Variants in TAOK2 observed in about 807,000 individuals in gnomAD.
TAOK2 encodes the protein TAO kinase 2, also known as serine/threonine-protein kinase TAO2.
A neutral mutation model predicts 122.5 loss-of-function variants in TAOK2; 42 were observed. That is an observed-to-expected ratio of 0.34 (90% CI 0.27 to 0.44). The LOEUF (loss-of-function observed/expected upper bound fraction) is 0.44, where lower values mean the gene tolerates loss of function less well. Among genes scored for constraint, TAOK2 ranks in the 20% least tolerant of loss-of-function variants. The pLI is 1.00. For synonymous variants in TAOK2, 704 were observed against 677.6 expected (o/e 1.04, Z -0.61); for missense variants, 1,264 against 1,644.9 (o/e 0.77, Z 4.01).
rs751062812 is a variant in TAOK2, at chr16:29,987,176, CCTGCTG to C, written c.2916_2921del (p.Leu973_Leu974del). On this transcript the variant is annotated inframe_deletion, in exon 16 of 16. Coordinates refer to ENST00000308893, the MANE Select transcript of TAOK2 (RefSeq NM_016151.4). ...GGTCCTCCTCTGGCCTCCTGCCCCT[CCTGCTG>C]CTGCTGCTGCTTCCATTGCTGGCAG... 1.2e-5 allele frequency: 18 copies of C among 1,559,976 alleles called. No homozygotes were observed. The highest frequency in any genetic ancestry group is 2.5e-5 in the South Asian group (2 of 81,228).
At chr16:29,990,744 G>T (rs763257334), downstream of TAOK2, 9 of 1,561,440 alleles carry the variant, frequency 5.8e-6, no homozygotes, top group African/African-American at 2.7e-5. Flanking sequence ...AGTGGGGGTG[G>T]GGGAGGAGAT....
At chr16:29,990,737 G>T, downstream of TAOK2, 2 of 1,550,828 alleles carry the variant, frequency 1.3e-6, no homozygotes, top group Non-Finnish European at 1.7e-6. Context: ...GGAGGATAGT[G>T]GGGGTGGGGG....
Position 29,981,862 on chromosome 16 carries a change from T to C in TAOK2, c.753T>C (p.Ser251=). ...ESPVLQSGHW[S]EYFRNFVDSC... is the part of the protein sequence containing the mutation. ...CCCACCCTCCTGTGACTTTCAGGTC[T>C]GAGTACTTCCGGAATTTTGTCGACT... is the stretch of plus-strand genomic sequence containing the variant. Residue 251 remains serine (S), a synonymous_variant, in exon 10 of 16, where the codon TCT becomes TCC. Transcript: ENST00000308893. 2 of 1,607,454 alleles carry C rather than the reference T, an allele frequency of 1.2e-6. No individual in the cohort carries two copies. Among genetic ancestry groups the C allele is most frequent in the Non-Finnish European group, 1.7e-6 (2 of 1,174,388 alleles).
At chr16:29,991,637 T>G, downstream of TAOK2, 1 of 1,408,712 alleles carries the variant, frequency 7.1e-7, no homozygotes. The surrounding 1 kb of genome is among the most constrained non-coding windows in gnomAD (Gnocchi z 5.6). Flanking sequence ...TGGAGGGCAC[T>G]GAGCTGGAGG....
At chr16:29,978,758 G>A in intron 4 of TAOK2, 41 bp from the exon 5 acceptor site, 1 of 1,612,536 alleles carries the variant, frequency 6.2e-7, no homozygotes, top group Non-Finnish European at 8.5e-7. Flanking sequence ...TTGAGTCCCT[G>A]CCCAGGAGAC....
Position 29,985,134 on chromosome 16 carries a change from C to G in TAOK2, c.1423-79C>G. ...AACCCATGAGTTGAAAACCCATGCT[C>G]TTCCCCACGGAAGACCCCTTGTGTT... is the stretch of plus-strand genomic sequence containing the variant. On this transcript the variant is annotated intron_variant, in intron 13 of 15. Transcript: ENST00000308893. The surrounding 1 kb of genome is among the most constrained non-coding windows in gnomAD (Gnocchi z 6.9). 7.0e-7 allele frequency: 1 copy of G among 1,432,672 alleles called. No individual in the cohort carries two copies. Among genetic ancestry groups the G allele is most frequent in the Non-Finnish European group, 9.2e-7 (1 of 1,091,810 alleles). 88.7% of individuals were successfully genotyped at this position (1,432,672 alleles called of 1,614,324 possible).
chr16:29,983,886 ACT>A (rs1272970876), intron 13 of TAOK2, among the ~76,000 whole-genome samples: 2 of 151,324 alleles, frequency 1.3e-5, no homozygotes, highest in Non-Finnish European at 2.9e-5. Context: ...AGCTTGGCAA[ACT>A]CTTACTCCGT....
Position 29,979,539 on chromosome 16 carries a change from C to T in TAOK2, c.655+31C>T, listed in dbSNP as rs748897208. On this transcript the variant is annotated intron_variant, in intron 8 of 15. Coordinates refer to ENST00000308893, the MANE Select transcript of TAOK2 (RefSeq NM_016151.4). This position sits in a 1 kb window ranked among gnomAD's most constrained non-coding sequence, Gnocchi z 4.1. ...AACATCCTCCCTGTTCCCTCATCAT[C>T]TTTTCCATTCTTTCCTGTTAGTTCC... 7 of 1,455,480 alleles carry T rather than the reference C, an allele frequency of 4.8e-6. No individual in the cohort carries two copies. The highest frequency in any genetic ancestry group is 6.4e-6 in the Non-Finnish European group (7 of 1,091,904). The allele number at this position is 1,455,480 out of a possible 1,614,324, so 90.2% of individuals were successfully genotyped here.
Position 29,985,866 on chromosome 16 carries a change from G to T in TAOK2, c.1992+5G>T, listed in dbSNP as rs1316152506. On this transcript the variant is annotated splice_donor_5th_base_variant and intron_variant, in intron 15 of 15. Transcript: ENST00000308893. The surrounding 1 kb of genome is among the most constrained non-coding windows in gnomAD (Gnocchi z 6.9). ...GACCAGGACCTGCTGCGGGAGGTAG[G>T]CATCCCAATCTCTGTTCCCCTCCCG... The T allele has an allele frequency of 6.2e-7, 1 of 1,611,008 alleles. No individual in the cohort carries two copies. The highest frequency in any genetic ancestry group is 1.7e-5 in the Admixed American group (1 of 59,906).
chr16:29,991,226 C>G, downstream of TAOK2: 2 of 1,611,148 alleles, frequency 1.2e-6, no homozygotes, highest in East Asian at 2.2e-5. The surrounding 1 kb of genome is among the most constrained non-coding windows in gnomAD (Gnocchi z 5.6). Context: ...CTGCTCCACC[C>G]CCTGCCCCAG....
chr16:29,982,958 A>G, intron 11 of TAOK2, 57 bp downstream of exon 11: 1 of 1,605,688 alleles, frequency 6.2e-7, no homozygotes, highest in South Asian at 1.1e-5. Flanking sequence ...TGCCCCCTGC[A>G]GTTGCTTGGC....
downstream of TAOK2, chr16:29,991,767 T>G: frequency 1.7e-6 from 1 of 582,348 alleles, no homozygotes; most frequent in Non-Finnish European, 2.6e-6. The surrounding 1 kb of genome is among the most constrained non-coding windows in gnomAD (Gnocchi z 5.6). Context: ...GCCTCAAGGC[T>G]GCCTGGGAGC....
chr16:29,984,943 C>T (rs2069735611), intron 13 of TAOK2, among the ~76,000 whole-genome samples: 1 of 152,194 alleles, frequency 6.6e-6, no homozygotes, highest in Non-Finnish European at 1.5e-5. Context: ...GTCTGACTCA[C>T]TGTTTCAAAT....
At chr16:29,991,271 A>G, downstream of TAOK2, 5 of 1,611,914 alleles carry the variant, frequency 3.1e-6, no homozygotes. The surrounding 1 kb of genome is among the most constrained non-coding windows in gnomAD (Gnocchi z 5.6). Flanking sequence ...GTTCTGGGGC[A>G]CACTGGAGCC....
downstream of TAOK2, chr16:29,990,576 C>T (rs932829432): frequency 3.9e-5 from 17 of 432,522 alleles, no homozygotes; most frequent in African/African-American, 1.8e-4. Context: ...ACAACGCTTC[C>T]GTGAACACCT....
At position 29,987,182 on chromosome 16, in the gene TAOK2, G is replaced by A. The variant is rs2069829377; in HGVS notation, c.2910G>A (p.Leu970=). Residue 970 remains leucine (L), a synonymous_variant, in exon 16 of 16, where the codon CTG becomes CTA. Coordinates refer to ENST00000308893, the MANE Select transcript of TAOK2 (RefSeq NM_016151.4). ...GSSSGLLPLL[L]LLLLPLLAAQ... Reference sequence around the variant, plus strand: ...CCTCTGGCCTCCTGCCCCTCCTGCTGCTGCTGCTGCTTCCATTGCTGGCAG... The same window carrying A: ...CCTCTGGCCTCCTGCCCCTCCTGCTACTGCTGCTGCTTCCATTGCTGGCAG... The A allele has an allele frequency of 6.4e-7, 1 of 1,555,654 alleles. No individual in the cohort carries two copies. The highest frequency in any genetic ancestry group is 8.6e-7 in the Non-Finnish European group (1 of 1,156,132).
At chr16:29,977,932 A>G (rs1274925922) in intron 2 of TAOK2, 28 bp downstream of exon 2, 3 of 1,614,064 alleles carry the variant, frequency 1.9e-6, no homozygotes, top group Non-Finnish European at 2.5e-6. Flanking sequence ...AGGGTGTAAT[A>G]GGGATGGGGA....
At chr16:29,977,663 A>T in intron 1 of TAOK2, 75 bp from the exon 2 acceptor site, 1 of 1,387,304 alleles carries the variant, frequency 7.2e-7, no homozygotes, top group Non-Finnish European at 9.6e-7. Context: ...AGGAGATGGC[A>T]GAAACTTGAT....
At chr16:29,983,359 G>A (rs370251801) in intron 12 of TAOK2, 27 bp downstream of exon 12, 12 of 1,575,762 alleles carry the variant, frequency 7.6e-6, no homozygotes, top group East Asian at 6.7e-5. Flanking sequence ...TGGGGGACCC[G>A]AGCCACCTGC....
Sources: gnomAD v4.1 joint callset for allele counts (sites outside exome capture counted in the v4.1 genomes callset) on GRCh38, gnomAD v4.1.1 for gene constraint, Gnocchi (gnomAD v3.1) non-coding constraint, MANE v1.5 for transcripts, NCBI Gene and HGNC (gene_info 2026-07-23, HGNC 2026-07-21) for gene names.